DIS3L2: variants seen among roughly 807,000 people sequenced by gnomAD.
DIS3L2 encodes DIS3-like exonuclease 2.
A neutral mutation model predicts 97.5 loss-of-function variants in DIS3L2; 34 were observed. That is an observed-to-expected ratio of 0.35 (90% CI 0.27 to 0.46). The LOEUF is 0.46. Among genes scored for constraint, DIS3L2 ranks in the 20% least tolerant of loss-of-function variants. The pLI, the probability that DIS3L2 is intolerant of heterozygous loss-of-function variation, is 1.00. For synonymous variants in DIS3L2, 435 were observed against 445.2 expected (o/e 0.98, Z 0.29); for missense variants, 1,038 against 1,146.0 (o/e 0.91, Z 1.36).
At chr2:231,999,267 G>A (rs1693811780) in intron 1 of DIS3L2, among the ~76,000 whole-genome samples, 2 of 152,032 alleles carry the variant, frequency 1.3e-5, no homozygotes. Flanking sequence ...CTCAGAATTG[G>A]CCATTTTTCC....
At chr2:232,322,103 C>T (rs1695455111) in intron 14 of DIS3L2, among the ~76,000 whole-genome samples, 2 of 152,196 alleles carry the variant, frequency 1.3e-5, no homozygotes, top group African/African-American at 4.8e-5. Context: ...GGGTGCCTGA[C>T]CCCTGGGCAG....
Position 232,312,129 on chromosome 2 carries a change from T to C in DIS3L2, c.1739+12010T>C, listed in dbSNP as rs201532321. Among the ~76,000 whole-genome samples, 21 of 152,364 alleles carry C rather than the reference T, an allele frequency of 1.4e-4. 1 individual carries two copies. In the East Asian group the frequency reaches 2.9e-3, roughly 21 times the overall value. On this transcript the variant is annotated intron_variant, in intron 14 of 20. Transcript: ENST00000325385. ...TATACATGTTGCAAATATCTTCCAC[T>C]GTGTAGTTTGCTTTTTTACTGCCTC...
chr2:232,029,878 A>G (rs1029274387), intron 4 of DIS3L2, 101 bp from the exon 5 acceptor site: 1 of 817,974 alleles, frequency 1.2e-6, no homozygotes, highest in African/African-American at 1.8e-5. Context: ...TAACCTAAGA[A>G]TAACTTGCTG....
In DIS3L2 at chr2:232,146,650, A is replaced by G. The variant is rs144320641; in HGVS notation, c.950+9931A>G. Among the ~76,000 whole-genome samples, 399 of 152,264 alleles carry G rather than the reference A, an allele frequency of 2.6e-3. 2 individuals carry two copies. Among genetic ancestry groups the G allele is most frequent in the African/African-American group, 9.0e-3 (374 of 41,548 alleles). On this transcript the variant is annotated intron_variant, in intron 8 of 20. Transcript: ENST00000325385. Reference sequence around the variant, plus strand: ...CTGTCTGCCAACAATGCTATTGACTACAGTCACCAGGGGAGGCCATACACT... The same window carrying G: ...CTGTCTGCCAACAATGCTATTGACTGCAGTCACCAGGGGAGGCCATACACT...
intron 8 of DIS3L2, among the ~76,000 whole-genome samples, chr2:232,138,988 T>C (rs1698435953): frequency 6.6e-6 from 1 of 152,214 alleles, no homozygotes; most frequent in East Asian, 1.9e-4. Flanking sequence ...ATCTGAGAAA[T>C]ACAATGGTAA....
At chr2:231,998,868 T>C (rs2106200161) in intron 1 of DIS3L2, among the ~76,000 whole-genome samples, 1 of 152,354 alleles carries the variant, frequency 6.6e-6, no homozygotes, top group East Asian at 1.9e-4. Flanking sequence ...GATTCTTATT[T>C]AGTCAGTTAT....
chr2:232,051,806 C>A, intron 5 of DIS3L2, among the ~76,000 whole-genome samples: 1 of 85,036 alleles, frequency 1.2e-5, no homozygotes, highest in Admixed American at 1.3e-4. Flanking sequence ...AGCGAGACTC[C>A]GTCTCAAAAA....
chr2:232,077,973 C>CTTTCT (rs1696256488), intron 5 of DIS3L2, among the ~76,000 whole-genome samples: 1 of 127,868 alleles, frequency 7.8e-6, no homozygotes, highest in Non-Finnish European at 1.6e-5. Context: ...TTCTTTCTTT[C>CTTTCT]TTTCTTTCTT....
chr2:232,263,074 C>A, intron 12 of DIS3L2, 133 bp from the exon 13 acceptor site: 1 of 942,738 alleles, frequency 1.1e-6, no homozygotes, highest in Non-Finnish European at 1.6e-6. Context: ...TAGCCTGAAC[C>A]TGCCACCATT....
chr2:232,255,854 T>G (rs1363547605), intron 12 of DIS3L2, among the ~76,000 whole-genome samples: 2 of 152,194 alleles, frequency 1.3e-5, no homozygotes, highest in Non-Finnish European at 2.9e-5. Context: ...ATTCTTGACT[T>G]TGGTCTTTCT....
intron 6 of DIS3L2, among the ~76,000 whole-genome samples, chr2:232,095,249 C>T (rs989770900): frequency 2.0e-5 from 3 of 152,092 alleles, no homozygotes; most frequent in African/African-American, 7.2e-5. Flanking sequence ...TTCCTGTCTT[C>T]CTTTTAGTGA....
At chr2:232,082,585 T>C (rs1696436592) in intron 5 of DIS3L2, among the ~76,000 whole-genome samples, 1 of 152,202 alleles carries the variant, frequency 6.6e-6, no homozygotes, top group African/African-American at 2.4e-5. Flanking sequence ...CCCCTACTTC[T>C]GGTCTGTGGA....
chr2:232,042,728 A>G (rs1333228046), intron 5 of DIS3L2, among the ~76,000 whole-genome samples: 1 of 152,208 alleles, frequency 6.6e-6, no homozygotes, highest in Non-Finnish European at 1.5e-5. Context: ...TTGTTTAAGG[A>G]TAGAGTAGCT....
At chr2:232,172,603 G>A (rs574970794) in intron 9 of DIS3L2, 1 of 472,154 alleles carries the variant, frequency 2.1e-6, no homozygotes, top group African/African-American at 2.0e-5. Flanking sequence ...ATGAATATTT[G>A]TGTACAGGTT....
intron 14 of DIS3L2, among the ~76,000 whole-genome samples, chr2:232,321,312 T>C (rs1344780852): frequency 6.6e-6 from 1 of 152,108 alleles, no homozygotes; most frequent in Non-Finnish European, 1.5e-5. Context: ...TCTGACTGTA[T>C]GGAGCTCACC....
chr2:232,245,589 T>G (rs1325907512), intron 11 of DIS3L2, among the ~76,000 whole-genome samples: 1 of 152,262 alleles, frequency 6.6e-6, no homozygotes, highest in Non-Finnish European at 1.5e-5. Flanking sequence ...TCTATGAGAA[T>G]TTCGTCTGAA....
Position 232,000,729 on chromosome 2 carries a change from T to C in DIS3L2, c.-93-14106T>C, listed in dbSNP as rs1290021885. On this transcript the variant is annotated intron_variant, in intron 1 of 20. Coordinates refer to ENST00000325385, the MANE Select transcript of DIS3L2 (RefSeq NM_152383.5). ...CCTTCTTTCTTTCTTCTTCTTCTTTTTTTTTTTTTTTTTTTTAAGAGACTG... is the reference window on the plus strand; with the variant it reads ...CCTTCTTTCTTTCTTCTTCTTCTTTCTTTTTTTTTTTTTTTTAAGAGACTG... Among the ~76,000 whole-genome samples the C allele has an allele frequency of 8.4e-4, 121 of 144,878 alleles. 3 individuals carry two copies. Among genetic ancestry groups the C allele is most frequent in the South Asian group, 2.4e-3 (11 of 4,522 alleles).
chr2:232,189,734 C>G (rs1481202911), intron 9 of DIS3L2, among the ~76,000 whole-genome samples: 1 of 152,066 alleles, frequency 6.6e-6, no homozygotes. Context: ...AGTGAGAAAT[C>G]TAAATAAGAT....
At chr2:232,231,219 ACT>A (rs1262083846) in intron 10 of DIS3L2, among the ~76,000 whole-genome samples, 1 of 152,242 alleles carries the variant, frequency 6.6e-6, no homozygotes, top group African/African-American at 2.4e-5. Context: ...CTAGAAAAGG[ACT>A]GGTACATAGT....
Sources: gnomAD v4.1 joint callset for allele counts (sites outside exome capture counted in the v4.1 genomes callset) on GRCh38, gnomAD v4.1.1 for gene constraint, MANE v1.5 for transcripts, NCBI Gene and HGNC (gene_info 2026-07-23, HGNC 2026-07-21) for gene names.